Variants in ESRRG observed in about 807,000 individuals in gnomAD.
ESRRG encodes estrogen-related receptor gamma.
In ESRRG, 13 loss-of-function variants were observed where a neutral mutation model predicts 44.0. The ratio of observed to expected loss-of-function variants is 0.30; its 90% CI spans 0.19 to 0.47. The LOEUF is 0.47. Among genes scored for constraint, ESRRG ranks in the 20% least tolerant of loss-of-function variants. ESRRG has a pLI of 1.00. For synonymous variants in ESRRG, 215 were observed against 214.6 expected, an observed-to-expected ratio of 1.00 and a Z score of -0.02; for missense variants, 395 against 580.6, an observed-to-expected ratio of 0.68 and a Z score of 3.29.
At chr1:216,853,628 C>A (rs1330509324) in intron 2 of ESRRG, among the ~76,000 whole-genome samples, 1 of 152,118 alleles carries the variant, frequency 6.6e-6, no homozygotes, top group Non-Finnish European at 1.5e-5. Flanking sequence ...CTCAGTGTAT[C>A]CACCCATCAC....
chr1:216,812,275 A>G (rs575029885), intron 2 of ESRRG, among the ~76,000 whole-genome samples: 6 of 152,314 alleles, frequency 3.9e-5, no homozygotes, highest in South Asian at 2.1e-4. Context: ...TTAAAGCTCA[A>G]TTTGAAAGAA....
intron 1 of ESRRG, among the ~76,000 whole-genome samples, chr1:217,036,382 A>C (rs2082895361): frequency 6.6e-6 from 1 of 152,170 alleles, no homozygotes; most frequent in Non-Finnish European, 1.5e-5. Context: ...TTGCAGCACC[A>C]TTCACCATAG....
rs544085022 is a variant in ESRRG at position 216,901,037 on chromosome 1, T to A, written c.-14+38545A>T. ...CTAGACTATGAGAAGCAATCCCAGA[T>A]TCATTGCTGCTGGGGGTTGCTTCTT... On this transcript the variant is annotated intron_variant, in intron 2 of 7. Transcript: ENST00000359162. Among the ~76,000 whole-genome samples the A allele has an allele frequency of 2.9e-4, 44 of 152,296 alleles. No homozygotes were observed. In the South Asian group the frequency reaches 8.7e-3, roughly 30 times the overall value.
intron 1 of ESRRG, among the ~76,000 whole-genome samples, chr1:216,703,101 G>A (rs529223399): frequency 3.3e-5 from 5 of 152,130 alleles, no homozygotes; most frequent in Non-Finnish European, 7.3e-5. Flanking sequence ...TAATTACTTT[G>A]TTTATCTAAG....
At chr1:216,653,446 G>T (rs1002035982) in intron 2 of ESRRG, among the ~76,000 whole-genome samples, 4 of 152,108 alleles carry the variant, frequency 2.6e-5, no homozygotes, top group African/African-American at 9.7e-5. Flanking sequence ...TACAAACAGG[G>T]TCTTCTCCCA....
At chr1:216,655,834 A>G (rs1248206514) in intron 2 of ESRRG, among the ~76,000 whole-genome samples, 2 of 152,166 alleles carry the variant, frequency 1.3e-5, no homozygotes, top group African/African-American at 2.4e-5. Context: ...GTTGTTGGCT[A>G]TGATCACCCA....
At chr1:216,719,500 T>G (rs189575685) in intron 1 of ESRRG, among the ~76,000 whole-genome samples, 2 of 152,170 alleles carry the variant, frequency 1.3e-5, no homozygotes, top group East Asian at 3.9e-4. Context: ...TCCTGCATTA[T>G]TTTTAAACCT....
chr1:216,854,863 A>T (rs916623061), intron 2 of ESRRG, among the ~76,000 whole-genome samples: 1 of 152,202 alleles, frequency 6.6e-6, no homozygotes, highest in African/African-American at 2.4e-5. Flanking sequence ...TGAGGTAAGC[A>T]AGCACTTACA....
intron 2 of ESRRG, among the ~76,000 whole-genome samples, chr1:216,835,096 T>A (rs1432276851): frequency 2.0e-5 from 3 of 152,214 alleles, no homozygotes; most frequent in African/African-American, 7.2e-5. Flanking sequence ...TTTGTTGCTG[T>A]TTGCTTTGTT....
intron 2 of ESRRG, among the ~76,000 whole-genome samples, chr1:216,741,452 AC>A (rs1209383333): frequency 1.4e-5 from 2 of 138,822 alleles, no homozygotes; most frequent in Non-Finnish European, 3.1e-5. Context: ...ACCCCAAAAT[AC>A]CCCCCTACAC....
intron 1 of ESRRG, among the ~76,000 whole-genome samples, chr1:216,708,418 T>C (rs1322475361): frequency 6.6e-6 from 1 of 152,212 alleles, no homozygotes; most frequent in Non-Finnish European, 1.5e-5. Context: ...AGATCCACCT[T>C]ATATAAATGT....
chr1:216,789,367 T>G (rs2094238221), intron 2 of ESRRG, among the ~76,000 whole-genome samples: 1 of 152,122 alleles, frequency 6.6e-6, no homozygotes, highest in South Asian at 2.1e-4. Context: ...TATGACTTGG[T>G]GAAGGCTCAG....
intron 1 of ESRRG, among the ~76,000 whole-genome samples, chr1:216,698,497 C>T (rs1295713544): frequency 3.1e-5 from 4 of 128,012 alleles, no homozygotes; most frequent in African/African-American, 1.2e-4. Context: ...CCAGCCTGGG[C>T]GACTGAGCAA....
rs954531242 is a variant in ESRRG, at chr1:216,505,209, T to A, written c.*1730A>T. The A allele has an allele frequency of 1.3e-5, 2 of 152,672 alleles. No homozygotes were observed. The highest frequency in any genetic ancestry group is 2.9e-5 in the Non-Finnish European group (2 of 68,038). The allele number at this position is 152,672 out of a possible 1,614,324, so 9.5% of individuals were successfully genotyped here. A position where few individuals can be genotyped will look rare whatever the true frequency, so the allele number is the denominator to read the frequency against. On this transcript the variant is annotated 3_prime_UTR_variant, in exon 7 of 7. Transcript: ENST00000408911. ...TGGTATAGCATTTGATGGAGGTTAC[T>A]GTTTATTGGTTATTCAGCGACTGTA...
At chr1:216,867,462 A>G (rs1345581225) in intron 2 of ESRRG, among the ~76,000 whole-genome samples, 2 of 152,210 alleles carry the variant, frequency 1.3e-5, no homozygotes, top group East Asian at 1.9e-4. Context: ...AAGTAAATGA[A>G]TAGTGAAACA....
At chr1:216,660,707 G>T (rs1396363736) in intron 2 of ESRRG, among the ~76,000 whole-genome samples, 4 of 152,212 alleles carry the variant, frequency 2.6e-5, no homozygotes, top group Non-Finnish European at 5.9e-5. Context: ...GATAGGTTCA[G>T]GGTGGATCTT....
At position 216,677,067 on chromosome 1, in the gene ESRRG, G is replaced by A. The variant is rs6691085; in HGVS notation, c.472+9C>T. Reference sequence around the variant, plus strand: ...AAGTGGGGAGAGTATTCCCAGGTCCGACACTAACCTTGAATTGTCCTCTTG... The same window carrying A: ...AAGTGGGGAGAGTATTCCCAGGTCCAACACTAACCTTGAATTGTCCTCTTG... On this transcript the variant is annotated intron_variant, in intron 2 of 6. Coordinates refer to ENST00000408911, the MANE Select transcript of ESRRG (RefSeq NM_001438.4). The A allele has an allele frequency of 2.4e-3, 3,920 of 1,608,536 alleles. 73 individuals carry two copies. In the African/African-American group the frequency reaches 0.044, roughly 18 times the overall value.
At chr1:217,050,549 A>T (rs183215108) in intron 1 of ESRRG, among the ~76,000 whole-genome samples, 1 of 152,292 alleles carries the variant, frequency 6.6e-6, no homozygotes, top group Admixed American at 6.5e-5. Context: ...ACAGAGAGGC[A>T]GGTGACTGGG....
intron 1 of ESRRG, among the ~76,000 whole-genome samples, chr1:216,696,552 T>C (rs2151808312): frequency 6.6e-6 from 1 of 152,254 alleles, no homozygotes; most frequent in East Asian, 1.9e-4. Context: ...ATAATAGTGT[T>C]GAAAAGTCAA....
Sources: gnomAD v4.1 joint callset for allele counts (sites outside exome capture counted in the v4.1 genomes callset) on GRCh38, gnomAD v4.1.1 for gene constraint, MANE v1.5 for transcripts, NCBI Gene and HGNC (gene_info 2026-07-23, HGNC 2026-07-21) for gene names.